The following TICRR variants were observed in gnomAD, a reference collection of about 807,000 sequenced individuals.
TICRR encodes the protein treslin.
A neutral mutation model predicts 178.1 loss-of-function variants in TICRR; 132 were observed. The ratio of observed to expected loss-of-function variants is 0.74; its 90% CI spans 0.64 to 0.86. TICRR has a LOEUF of 0.86. Ranked by LOEUF, TICRR falls within the 40% of genes least tolerant of loss-of-function variation. The pLI is 0.00. For missense variants in TICRR, 2,587 were observed against 2,334.3 expected (o/e 1.11, Z -2.23); for synonymous variants, 991 against 900.7 (o/e 1.10, Z -1.79).
rs1159648580 is a variant in TICRR, at chr15:89,595,405, G to A, written c.1694G>A (p.Arg565His). 3.1e-6 allele frequency: 5 copies of A among 1,613,662 alleles called. No individual in the cohort carries two copies. The highest frequency in any genetic ancestry group is 1.3e-5 in the African/African-American group (1 of 74,992). ...EDSKKKRGVP[R>H]TPVRQKMNTM... Reference sequence around the variant, plus strand: ...GTTGTTTTGGTAGGAGGGGTCCCTCGTACTCCAGTGAGACAGAAGATGAAT... The same window carrying A: ...GTTGTTTTGGTAGGAGGGGTCCCTCATACTCCAGTGAGACAGAAGATGAAT... Residue 565 changes from arginine to histidine, a missense_variant, in exon 7 of 22, where the codon CGT (arginine) becomes CAT (histidine). Physicochemically the swap from Arg to His is conservative, Grantham distance 29. Coordinates refer to ENST00000268138, the MANE Select transcript of TICRR (RefSeq NM_152259.4).
rs554331494 is a variant in TICRR, at chr15:89,589,840, G to A, written c.1412-2207G>A. ...GTGATAAAAACTAAGACAATCCTGG[G>A]TGTGGGGACACATGCCTGTAATCCC... is the stretch of plus-strand genomic sequence containing the variant. On this transcript the variant is annotated intron_variant, in intron 4 of 21. Transcript: ENST00000268138. 3.4e-4 allele frequency among the ~76,000 whole-genome samples: 51 copies of A among 152,134 alleles called. 2 individuals are homozygous for A. In the South Asian group the frequency reaches 0.01, roughly 30 times the overall value.
chr15:89,594,025 G>A (rs1279117624), intron 5 of TICRR, among the ~76,000 whole-genome samples: 1 of 152,096 alleles, frequency 6.6e-6, no homozygotes, highest in East Asian at 1.9e-4. Context: ...ATTATTCGAA[G>A]TCATTGCAAT....
intron 17 of TICRR, among the ~76,000 whole-genome samples, chr15:89,619,221 C>CT (rs386383750): frequency 0.016 from 1,761 of 111,922 alleles, 94 homozygotes; most frequent in African/African-American, 0.048. Context: ...CACCATTCTT[C>CT]TTTTTTTTTT....
In TICRR at chr15:89,576,032, G is replaced by T. The variant is rs749865830; in HGVS notation, c.446G>T (p.Gly149Val). The change falls in exon 1 of 22, where the codon GGC becomes GTC. Residue 149 changes from glycine to valine, a missense_variant. By Grantham distance (109) the Gly-to-Val change is moderately radical. Coordinates refer to ENST00000268138, the MANE Select transcript of TICRR (RefSeq NM_152259.4). ...AAGGAGGCCGAGGCCGCGCTCGGGGGCTTGGTGAACGCCGTCTTCCTCCTG... is the reference window on the plus strand; with the variant it reads ...AAGGAGGCCGAGGCCGCGCTCGGGGTCTTGGTGAACGCCGTCTTCCTCCTG... ...EAKEAEAALG[G>V]LVNAVFLLAP... 2 of 1,610,144 alleles carry T rather than the reference G, an allele frequency of 1.2e-6. No individual in the cohort carries two copies. The highest frequency in any genetic ancestry group is 1.1e-5 in the South Asian group (1 of 90,760).
chr15:89,614,284 C>A (rs1385062510), intron 15 of TICRR, among the ~76,000 whole-genome samples: 1 of 150,840 alleles, frequency 6.6e-6, no homozygotes, highest in African/African-American at 2.4e-5. Context: ...TGTTTTGTTT[C>A]TTTGCATGAC....
chr15:89,610,248 CT>C (rs1194312700), intron 15 of TICRR, among the ~76,000 whole-genome samples: 1 of 152,102 alleles, frequency 6.6e-6, no homozygotes, highest in Non-Finnish European at 1.5e-5. Flanking sequence ...TTATTCAAGT[CT>C]TCTGTTTCCT....
chr15:89,582,536 C>T (rs1962745753), intron 1 of TICRR, 150 bp from the exon 2 acceptor site: 1 of 708,028 alleles, frequency 1.4e-6, no homozygotes, highest in East Asian at 2.7e-5. Flanking sequence ...TGATGCTGAC[C>T]ATTATTTCTA....
intron 14 of TICRR, among the ~76,000 whole-genome samples, chr15:89,607,502 C>T (rs1963192336): frequency 6.6e-6 from 1 of 152,046 alleles, no homozygotes; most frequent in African/African-American, 2.4e-5. Context: ...AGAAATTAAG[C>T]TTTTCAAAAC....
chr15:89,610,447 C>T (rs1963239973), intron 15 of TICRR, among the ~76,000 whole-genome samples: 1 of 151,988 alleles, frequency 6.6e-6, no homozygotes, highest in Admixed American at 6.6e-5. Flanking sequence ...AACTTCTTAC[C>T]AATAGGTAAT....
intron 13 of TICRR, 26 bp downstream of exon 13, chr15:89,602,918 G>T: frequency 7.6e-7 from 1 of 1,320,558 alleles, no homozygotes; most frequent in South Asian, 1.8e-5. Flanking sequence ...AGCTTGAGAT[G>T]ACACAGTAAA....
chr15:89,596,066 G>C (rs1962993765), intron 7 of TICRR, among the ~76,000 whole-genome samples: 1 of 152,162 alleles, frequency 6.6e-6, no homozygotes, highest in African/African-American at 2.4e-5. Context: ...TGAAGACAGT[G>C]TGGCAGGAAC....
intron 3 of TICRR, among the ~76,000 whole-genome samples, chr15:89,585,021 A>G (rs1315822667): frequency 6.6e-6 from 1 of 152,218 alleles, no homozygotes; most frequent in Non-Finnish European, 1.5e-5. Context: ...ACATATACAT[A>G]CCCAGATTTG....
intron 19 of TICRR, among the ~76,000 whole-genome samples, chr15:89,622,897 G>C (rs1301548502): frequency 6.6e-6 from 1 of 152,166 alleles, no homozygotes; most frequent in African/African-American, 2.4e-5. Context: ...GCCCTTCTTT[G>C]TGTTCTGTGA....
chr15:89,620,063 A>G (rs1009880898), intron 18 of TICRR, among the ~76,000 whole-genome samples: 6 of 152,220 alleles, frequency 3.9e-5, no homozygotes, highest in African/African-American at 1.4e-4. Flanking sequence ...CTATCATTAT[A>G]GGTAGCTCAT....
chr15:89,599,423 T>C lies in TICRR; in HGVS notation c.2000T>C (p.Met667Thr). The C allele has an allele frequency of 6.2e-7, 1 of 1,613,732 alleles. No homozygotes were observed. The highest frequency in any genetic ancestry group is 8.5e-7 in the Non-Finnish European group (1 of 1,179,888). ...EIMLYACARN[M>T]ISTVKMFLKS... is the part of the protein sequence containing the mutation. ...ATGTTGTATGCATGTGCTCGAAACATGATCTCAACCGTTAAAATGTTCCTA... is the reference window on the plus strand; with the variant it reads ...ATGTTGTATGCATGTGCTCGAAACACGATCTCAACCGTTAAAATGTTCCTA... The change falls in exon 8 of 22, where the codon ATG becomes ACG. Residue 667 changes from methionine (M) to threonine (T), a missense_variant. By Grantham distance (81) the Met-to-Thr change is moderately conservative (BLOSUM62 -1). Coordinates refer to ENST00000268138, the MANE Select transcript of TICRR (RefSeq NM_152259.4).
rs752514104 is a variant in TICRR, at chr15:89,606,819, G to C, written c.2716G>C (p.Val906Leu). 3 of 1,613,540 alleles carry C rather than the reference G, an allele frequency of 1.9e-6. No individual in the cohort carries two copies. In the Admixed American group the frequency reaches 5.0e-5, roughly 27 times the overall value. ...GCCTTCCCAGCCAGTGAAAGATACA[G>C]TGCAAGGTATACTGTTTTCTCAGTG... is the stretch of plus-strand genomic sequence containing the variant. ...QQPSQPVKDT[V>L]QEVTKVRRNL... The change falls in exon 14 of 22, where the codon GTG (valine) becomes CTG (leucine). Residue 906 changes from valine to leucine, a missense_variant. Val to Leu is a conservative substitution (Grantham distance 32). Transcript: ENST00000268138.
Position 89,601,385 on chromosome 15 carries a change from G to T in TICRR, c.2241G>T (p.Val747=). 1 of 1,614,084 alleles carries T rather than the reference G, an allele frequency of 6.2e-7. No homozygotes were observed. The highest frequency in any genetic ancestry group is 1.3e-5 in the African/African-American group (1 of 75,038). The change falls in exon 10 of 22, where the codon GTG becomes GTT. Residue 747 remains valine (V), a synonymous_variant. Coordinates refer to ENST00000268138, the MANE Select transcript of TICRR (RefSeq NM_152259.4). ...GTACAGATGATATGGAACAAGTAGT[G>T]GAGGAGGCAAGTATATAGTTTCGTG... ...NESTDDMEQV[V]EEVTDLLRMV...
Position 89,584,170 on chromosome 15 carries a change from G to T in TICRR, c.935-116G>T. 5 of 1,083,346 alleles carry T rather than the reference G, an allele frequency of 4.6e-6. 1 individual carries two copies. In the South Asian group the frequency reaches 9.3e-5, roughly 20 times the overall value. The allele number at this position is 1,083,346 out of a possible 1,614,324, so 67.1% of individuals were successfully genotyped here. ...GTGACAGTATCTCAATTGACAACTT[G>T]ATTATTTTCTTATTGTTATTAAATC... On this transcript the variant is annotated intron_variant, in intron 2 of 21. Coordinates refer to ENST00000268138, the MANE Select transcript of TICRR (RefSeq NM_152259.4).
chr15:89,616,780 A>T (rs1963342840), intron 16 of TICRR, among the ~76,000 whole-genome samples: 1 of 152,222 alleles, frequency 6.6e-6, no homozygotes, highest in East Asian at 1.9e-4. Context: ...CACGGTTTTT[A>T]AATCCATTCA....
Sources: allele counts gnomAD v4.1 joint callset (sites outside exome capture counted in the v4.1 genomes callset), GRCh38; gene constraint gnomAD v4.1.1; transcripts MANE v1.5; gene names NCBI Gene and HGNC (gene_info 2026-07-23, HGNC 2026-07-21).